Variants in PLCE1 observed in about 807,000 individuals in gnomAD.
The protein encoded by PLCE1 is 1-phosphatidylinositol 4,5-bisphosphate phosphodiesterase epsilon-1.
In PLCE1, 119 loss-of-function variants were observed where a neutral mutation model predicts 242.8. The observed-to-expected ratio is 0.49, with a 90% CI of 0.42 to 0.57. PLCE1 has a LOEUF of 0.57. Ranked by LOEUF, PLCE1 falls within the 20% of genes least tolerant of loss-of-function variation. The pLI is 0.00. For missense variants in PLCE1, 2,441 were observed against 2,788.8 expected (o/e 0.88, Z 2.81); for synonymous variants, 945 against 1,017.4 (o/e 0.93, Z 1.35).
chr10:94,216,407 C>T (rs2049528147), intron 4 of PLCE1, among the ~76,000 whole-genome samples: 1 of 152,152 alleles, frequency 6.6e-6, no homozygotes, highest in Non-Finnish European at 1.5e-5. Context: ...CTCTAGTGCC[C>T]ACTGGAGTGC....
chr10:94,295,989 G>A (rs1183923763), intron 23 of PLCE1, among the ~76,000 whole-genome samples: 3 of 152,154 alleles, frequency 2.0e-5, no homozygotes, highest in Admixed American at 6.6e-5. Flanking sequence ...TTTGAAGCCA[G>A]GCATTGACTT....
At chr10:94,122,598 T>C (rs1169470681) in intron 2 of PLCE1, among the ~76,000 whole-genome samples, 1 of 152,030 alleles carries the variant, frequency 6.6e-6, no homozygotes, top group East Asian at 1.9e-4. Context: ...TGTACTGGAT[T>C]CTGAACTAGG....
chr10:94,329,040 A>G lies in PLCE1; in HGVS notation c.*1097A>G, dbSNP rs2054126581. 1 of 152,298 alleles carries G rather than the reference A, an allele frequency of 6.6e-6. No individual in the cohort carries two copies. Among genetic ancestry groups the G allele is most frequent in the African/African-American group, 2.4e-5 (1 of 41,564 alleles). The allele number at this position is 152,298 out of a possible 1,614,324, so 9.4% of individuals were successfully genotyped here. On this transcript the variant is annotated 3_prime_UTR_variant, in exon 33 of 33. Transcript: ENST00000371380. ...ATATTTATTATACATCGCTCTCTTGATATTGCCATGGATTAGAAGCATTAG... is the reference window on the plus strand; with the variant it reads ...ATATTTATTATACATCGCTCTCTTGGTATTGCCATGGATTAGAAGCATTAG...
intron 4 of PLCE1, among the ~76,000 whole-genome samples, chr10:94,179,565 G>A (rs2048242243): frequency 7.7e-6 from 1 of 129,156 alleles, no homozygotes; most frequent in Non-Finnish European, 1.6e-5. Flanking sequence ...GGAGTACAGT[G>A]GCTGATCTTT....
chr10:94,182,377 G>A (rs929964651), intron 4 of PLCE1, among the ~76,000 whole-genome samples: 41 of 151,258 alleles, frequency 2.7e-4, no homozygotes, highest in Non-Finnish European at 4.1e-4. Flanking sequence ...AGCAATTCTC[G>A]TGCCTCAGCC....
chr10:94,314,958 A>G (rs1373002679), intron 28 of PLCE1: 1 of 155,122 alleles, frequency 6.4e-6, no homozygotes, highest in Non-Finnish European at 1.4e-5. Flanking sequence ...AGTGTCCACT[A>G]TCACAAAGCA....
chr10:94,072,855 G>A (rs933208973), intron 2 of PLCE1, among the ~76,000 whole-genome samples: 1 of 152,190 alleles, frequency 6.6e-6, no homozygotes, highest in Non-Finnish European at 1.5e-5. Flanking sequence ...CTCACCAGAA[G>A]TGTCTACTCA....
intron 3 of PLCE1, among the ~76,000 whole-genome samples, chr10:94,152,288 G>A (rs1188522383): frequency 1.3e-5 from 2 of 152,210 alleles, no homozygotes; most frequent in African/African-American, 4.8e-5. Flanking sequence ...ATATAAAACA[G>A]TTCCTATACG....
At chr10:94,242,874 G>A (rs1270209824) in intron 7 of PLCE1, among the ~76,000 whole-genome samples, 2 of 152,146 alleles carry the variant, frequency 1.3e-5, no homozygotes, top group African/African-American at 4.8e-5. Context: ...TAATATTCAT[G>A]AGCTCATACT....
intron 4 of PLCE1, among the ~76,000 whole-genome samples, chr10:94,218,643 A>G (rs2049610181): frequency 6.6e-6 from 1 of 152,018 alleles, no homozygotes; most frequent in Non-Finnish European, 1.5e-5. Flanking sequence ...CTTTTCTTAT[A>G]CTTGCTTTAA....
chr10:94,112,784 G>A (rs2045995505), intron 2 of PLCE1, among the ~76,000 whole-genome samples: 1 of 152,112 alleles, frequency 6.6e-6, no homozygotes. Flanking sequence ...TGGAGCTTTT[G>A]TATACCTTAG....
At chr10:94,146,833 G>C (rs1473691422) in intron 3 of PLCE1, among the ~76,000 whole-genome samples, 1 of 152,188 alleles carries the variant, frequency 6.6e-6, no homozygotes, top group Non-Finnish European at 1.5e-5. Context: ...TTTTGAACCT[G>C]TAATGTGTAC....
At position 94,009,014 on chromosome 10, in the gene PLCE1, C is replaced by T. The variant is rs531262900; in HGVS notation, c.-365+14756C>T. Among the ~76,000 whole-genome samples the T allele has an allele frequency of 3.9e-5, 6 of 152,240 alleles. No homozygotes were observed. The South Asian group carries it at 1.2e-3, about 32-fold the overall frequency. Reference sequence around the variant, plus strand: ...TCCCAGGGGTCAACTAGTAACACACCTTTGACCTCTTGTGTTAGTCTTCTC... The same window carrying T: ...TCCCAGGGGTCAACTAGTAACACACTTTTGACCTCTTGTGTTAGTCTTCTC... On this transcript the variant is annotated intron_variant, in intron 1 of 32. Coordinates refer to ENST00000371380, the MANE Select transcript of PLCE1 (RefSeq NM_016341.4).
At chr10:94,326,996 T>A (rs1269456244) in intron 32 of PLCE1, among the ~76,000 whole-genome samples, 4 of 150,980 alleles carry the variant, frequency 2.6e-5, no homozygotes, top group Non-Finnish European at 4.4e-5. Flanking sequence ...CCGTCTCTAC[T>A]AAAAATACAA....
At chr10:94,236,837 ATTTAAG>A (rs1411543278) in intron 7 of PLCE1, among the ~76,000 whole-genome samples, 2 of 152,134 alleles carry the variant, frequency 1.3e-5, no homozygotes, top group Admixed American at 1.3e-4. Context: ...TCTCAGAGCC[ATTTAAG>A]TTCTTAATCT....
At chr10:94,250,450 A>G (rs901835161) in intron 8 of PLCE1, among the ~76,000 whole-genome samples, 8 of 148,918 alleles carry the variant, frequency 5.4e-5, no homozygotes, top group African/African-American at 2.0e-4. Flanking sequence ...GCAGTGAGCC[A>G]AGATCACACC....
Position 94,234,189 on chromosome 10 carries a change from C to G in PLCE1, c.2091C>G (p.Ile697Met). The G allele has an allele frequency of 6.2e-7, 1 of 1,614,134 alleles. No homozygotes were observed. The highest frequency in any genetic ancestry group is 8.5e-7 in the Non-Finnish European group (1 of 1,179,998). The change falls in exon 6 of 33, where the codon ATC becomes ATG. Residue 697 changes from isoleucine (I) to methionine (M), a missense_variant. Transcript: ENST00000371380. Reference sequence around the variant, plus strand: ...AGGTGGTGACACGTGCCCTGCACATCCCTGGCTGTAAGGTGGTTCCATTCT... The same window carrying G: ...AGGTGGTGACACGTGCCCTGCACATGCCTGGCTGTAAGGTGGTTCCATTCT... ...YRKVVTRALH[I>M]PGCKVVPFCG...
At chr10:94,286,651 G>T (rs1447637380) in intron 22 of PLCE1, among the ~76,000 whole-genome samples, 2 of 152,014 alleles carry the variant, frequency 1.3e-5, no homozygotes, top group African/African-American at 2.4e-5. Flanking sequence ...AGCTGCTACT[G>T]CTTGTCTGCT....
intron 4 of PLCE1, among the ~76,000 whole-genome samples, chr10:94,215,434 G>C (rs2049486975): frequency 6.6e-6 from 1 of 152,174 alleles, no homozygotes; most frequent in South Asian, 2.1e-4. Flanking sequence ...GGGGGATAGT[G>C]GTCACCGTGC....
Sources: allele counts gnomAD v4.1 joint callset (sites outside exome capture counted in the v4.1 genomes callset), GRCh38; gene constraint gnomAD v4.1.1; transcripts MANE v1.5; gene names NCBI Gene and HGNC (gene_info 2026-07-23, HGNC 2026-07-21).